ABHD12B: variants seen among roughly 807,000 people sequenced by gnomAD.
ABHD12B encodes protein ABHD12B.
In ABHD12B, 42 loss-of-function variants were observed where a neutral mutation model predicts 50.4. The ratio of observed to expected loss-of-function variants is 0.83; its 90% CI spans 0.65 to 1.08. The LOEUF (loss-of-function observed/expected upper bound fraction) is 1.08, where lower values mean the gene tolerates loss of function less well. Among genes scored for constraint, ABHD12B ranks in the 50% least tolerant of loss-of-function variants. The probability of loss-of-function intolerance (pLI) is 0.00; values close to 1 mark genes in which losing one functional copy is unlikely to be tolerated. For synonymous variants in ABHD12B, 167 were observed against 160.3 expected (o/e 1.04, Z -0.32); for missense variants, 479 against 447.7 (o/e 1.07, Z -0.63).
At position 50,878,737 on chromosome 14, in the gene ABHD12B, C is replaced by T. The variant is rs2049896703; in HGVS notation, c.233-8C>T. ...TTCTTGAAGTTGATAATGATTTTTA[C>T]TTTCCAGTCAAAGCCCCATTTCTTG... is the stretch of plus-strand genomic sequence containing the variant. On this transcript the variant is annotated splice_polypyrimidine_tract_variant and splice_region_variant and intron_variant, in intron 2 of 12. Transcript: ENST00000337334. 1 of 1,606,344 alleles carries T rather than the reference C, an allele frequency of 6.2e-7. No individual in the cohort carries two copies. Among genetic ancestry groups the T allele is most frequent in the South Asian group, 1.1e-5 (1 of 90,914 alleles).
At chr14:50,892,358 GGAAGA>G (rs1566491304) in intron 9 of ABHD12B, 1 of 963,950 alleles carries the variant, frequency 1.0e-6, no homozygotes, top group East Asian at 1.1e-4. Context: ...CTGGAAAGGG[GGAAGA>G]GCAGAACAAG....
At chr14:50,903,519 T>C (rs761128347) in intron 11 of ABHD12B, 52 bp downstream of exon 11, 1 of 1,498,956 alleles carries the variant, frequency 6.7e-7, no homozygotes, top group East Asian at 2.3e-5. Flanking sequence ...ATTTCACCAT[T>C]TTTTTCATTC....
chr14:50,875,763 T>C (rs2049854532), intron 1 of ABHD12B, among the ~76,000 whole-genome samples: 1 of 152,240 alleles, frequency 6.6e-6, no homozygotes, highest in African/African-American at 2.4e-5. Flanking sequence ...CACTCTGTTC[T>C]CTTCCCGCAG....
chr14:50,897,999 A>C (rs527377783), intron 9 of ABHD12B, among the ~76,000 whole-genome samples: 1 of 152,350 alleles, frequency 6.6e-6, no homozygotes, highest in African/African-American at 2.4e-5. Context: ...TGAAGACTTC[A>C]GAGCCTATTG....
intron 10 of ABHD12B, among the ~76,000 whole-genome samples, chr14:50,902,292 G>A (rs73284790): frequency 0.15 from 23,121 of 151,894 alleles, 2,528 homozygotes; most frequent in African/African-American, 0.31. Context: ...AAACCAGCCC[G>A]GGCAACACAG....
intron 5 of ABHD12B, among the ~76,000 whole-genome samples, chr14:50,884,563 G>T (rs1260593726): frequency 6.6e-6 from 1 of 152,118 alleles, no homozygotes; most frequent in East Asian, 1.9e-4. Flanking sequence ...GCTCCACAAG[G>T]CTCAGTTTAT....
At chr14:50,891,086 C>G (rs1454683246) in intron 9 of ABHD12B, 3 of 152,002 alleles carry the variant, frequency 2.0e-5, no homozygotes, top group African/African-American at 4.8e-5. Context: ...TGGTTCATGT[C>G]TTTTGCCCAT....
In ABHD12B at chr14:50,888,849, G is replaced by A. The variant is rs2050077189; in HGVS notation, c.726G>A (p.Leu242=). The A allele has an allele frequency of 6.2e-7, 1 of 1,613,782 alleles. No homozygotes were observed. Among genetic ancestry groups the A allele is most frequent in the Non-Finnish European group, 8.5e-7 (1 of 1,179,900 alleles). ...GATGCCCAGTTGATGCTATTGTCTTGGAAGCTCCATTTACCAACATGTGGG... is the reference window on the plus strand; with the variant it reads ...GATGCCCAGTTGATGCTATTGTCTTAGAAGCTCCATTTACCAACATGTGGG... ...EKGCPVDAIV[L]EAPFTNMWVA... Residue 242 remains leucine (L), a synonymous_variant, in exon 9 of 13, where the codon TTG becomes TTA. Transcript: ENST00000337334.
intron 5 of ABHD12B, 127 bp downstream of exon 5, chr14:50,881,753 G>A: frequency 9.0e-7 from 1 of 1,109,926 alleles, no homozygotes; most frequent in South Asian, 1.4e-5. Flanking sequence ...GGTGGGTTGT[G>A]GTGTCTGGGG....
chr14:50,888,614 C>G lies in ABHD12B; in HGVS notation c.701-210C>G, dbSNP rs539781707. On this transcript the variant is annotated intron_variant, in intron 8 of 12. Coordinates refer to ENST00000337334, the MANE Select transcript of ABHD12B (RefSeq NM_001206673.2). The stretch of plus-strand genomic sequence containing the variant: ...CCTCTTGGGGAGGGGAGGGTGGAAG[C>G]GTGTTAAAATGCACATTCTCAGCCC... Among the ~76,000 whole-genome samples, 13 of 152,160 alleles carry G rather than the reference C, an allele frequency of 8.5e-5. No homozygotes were observed. The South Asian group carries it at 2.5e-3, about 29-fold the overall frequency.
chr14:50,881,032 T>C (rs1294238785), intron 4 of ABHD12B, among the ~76,000 whole-genome samples: 7 of 152,242 alleles, frequency 4.6e-5, no homozygotes, highest in Admixed American at 4.6e-4. Flanking sequence ...TCACACGGAA[T>C]TCTGACCACA....
At chr14:50,881,864 C>A (rs367703780) in intron 5 of ABHD12B, among the ~76,000 whole-genome samples, 12 of 152,198 alleles carry the variant, frequency 7.9e-5, no homozygotes, top group East Asian at 7.7e-4. Context: ...AACCTCATTG[C>A]CAAATGGAGG....
chr14:50,882,382 T>TTTTTTTTTTTTTTTTTG lies in ABHD12B; in HGVS notation c.486+768_486+769insTTTTGTTTTTTTTTTTT. Among the ~76,000 whole-genome samples the TTTTTTTTTTTTTTTTTG allele has an allele frequency of 2.4e-4, 32 of 132,636 alleles. 3 individuals are homozygous for TTTTTTTTTTTTTTTTTG. The highest frequency in any genetic ancestry group is 9.1e-4 in the African/African-American group (31 of 33,924). The allele number at this position is 132,636 out of a possible 152,430, so 87.0% of individuals were successfully genotyped here. ...AGACACAGAATGTCTGCTTTTTTTT[T>TTTTTTTTTTTTTTTTTG]TTTTTTTTTTTTGAGACGGAGTCTC... On this transcript the variant is annotated intron_variant, in intron 5 of 12. Transcript: ENST00000337334.
rs371975948 is a variant in ABHD12B, at chr14:50,880,506, G to T, written c.390G>T (p.Trp130Cys). Residue 130 changes from tryptophan (W) to cysteine (C), a missense_variant, in exon 4 of 13, where the codon TGG becomes TGT. Physicochemically the swap from Trp to Cys is radical, Grantham distance 215. Transcript: ENST00000337334. The part of the protein sequence containing the change: ...GEDAKGKDCC[W>C]YEAALRDGNP... Reference sequence around the variant, plus strand: ...ATGCCAAGGGGAAGGACTGTTGCTGGTATGAAGCAGCCCTTCGTGATGGGA... The same window carrying T: ...ATGCCAAGGGGAAGGACTGTTGCTGTTATGAAGCAGCCCTTCGTGATGGGA... The T allele has an allele frequency of 2.1e-5, 34 of 1,610,928 alleles. No homozygotes were observed. Among genetic ancestry groups the T allele is most frequent in the Non-Finnish European group, 2.2e-5 (26 of 1,178,438 alleles).
chr14:50,895,218 T>C (rs937182526), intron 9 of ABHD12B, among the ~76,000 whole-genome samples: 7 of 149,308 alleles, frequency 4.7e-5, no homozygotes, highest in African/African-American at 1.8e-4. Context: ...GCCAATCTGC[T>C]CCCGACATTA....
intron 9 of ABHD12B, among the ~76,000 whole-genome samples, chr14:50,894,456 C>T (rs1191719951): frequency 6.6e-6 from 1 of 151,916 alleles, no homozygotes; most frequent in East Asian, 1.9e-4. Context: ...AAGCTTCCAC[C>T]TTCCATTCCT....
At position 50,885,752 on chromosome 14, in the gene ABHD12B, TTTC is replaced by T. The variant is rs769904937; in HGVS notation, c.533-11_533-9del. ...GAAGGCAGTGATACTGTGTTTGCCTTTTCTTGCTGCCAGGATTTGGGGACTCTA... is the reference window on the plus strand; with the variant it reads ...GAAGGCAGTGATACTGTGTTTGCCTTTTGCTGCCAGGATTTGGGGACTCTA... On this transcript the variant is annotated splice_polypyrimidine_tract_variant and intron_variant, in intron 6 of 12. Coordinates refer to ENST00000337334, the MANE Select transcript of ABHD12B (RefSeq NM_001206673.2). 1 of 1,614,174 alleles carries T rather than the reference TTTC, an allele frequency of 6.2e-7. No individual in the cohort carries two copies. The highest frequency in any genetic ancestry group is 8.5e-7 in the Non-Finnish European group (1 of 1,180,026).
intron 1 of ABHD12B, 85 bp downstream of exon 1, chr14:50,872,363 G>A (rs1442454993): frequency 2.0e-6 from 2 of 991,416 alleles, no homozygotes; most frequent in Non-Finnish European, 2.6e-6. Flanking sequence ...GCGCGGCCGA[G>A]GCCGCAATCC....
At chr14:50,898,196 T>C (rs1483351279) in intron 9 of ABHD12B, among the ~76,000 whole-genome samples, 1 of 152,208 alleles carries the variant, frequency 6.6e-6, no homozygotes, top group Non-Finnish European at 1.5e-5. Flanking sequence ...ACAGCAACTC[T>C]CTGAGTTTGT....
Sources: gnomAD v4.1 joint callset for allele counts (sites outside exome capture counted in the v4.1 genomes callset) on GRCh38, gnomAD v4.1.1 for gene constraint, MANE v1.5 for transcripts, NCBI Gene and HGNC (gene_info 2026-07-23, HGNC 2026-07-21) for gene names.